Variants in ALKBH8 observed in about 807,000 individuals in gnomAD.
ALKBH8 encodes the protein alkB homolog 8, tRNA methyltransferase.
Under a neutral mutation model 59.8 loss-of-function variants are expected in ALKBH8, and 36 were observed. The observed-to-expected ratio is 0.60, with a 90% CI of 0.46 to 0.79. The LOEUF (loss-of-function observed/expected upper bound fraction) is 0.79. ALKBH8 is among the 30% of genes least tolerant of loss of function. ALKBH8 has a pLI of 0.00. For synonymous variants in ALKBH8, 276 were observed against 273.6 expected (o/e 1.01, Z -0.09); for missense variants, 768 against 801.0 (o/e 0.96, Z 0.50).
chr11:107,508,172 C>T (rs909368402), intron 11 of ALKBH8, among the ~76,000 whole-genome samples: 1 of 148,006 alleles, frequency 6.8e-6, no homozygotes, highest in Non-Finnish European at 1.5e-5. Flanking sequence ...ATTTTCAATG[C>T]CTTTTTTTTT....
intron 10 of ALKBH8, among the ~76,000 whole-genome samples, chr11:107,516,940 A>C (rs1004711908): frequency 2.6e-5 from 4 of 152,026 alleles, no homozygotes; most frequent in Non-Finnish European, 5.9e-5. Context: ...GGGAGGATCA[A>C]TTGAGCCTGC....
chr11:107,543,000 G>A (rs1011967667), intron 7 of ALKBH8, among the ~76,000 whole-genome samples: 1 of 152,182 alleles, frequency 6.6e-6, no homozygotes, highest in African/African-American at 2.4e-5. Flanking sequence ...CAAAGATTTT[G>A]TTCCGTATGG....
intron 9 of ALKBH8, among the ~76,000 whole-genome samples, chr11:107,522,938 CAG>C (rs1863184286): frequency 1.3e-5 from 2 of 151,942 alleles, no homozygotes; most frequent in South Asian, 2.1e-4. Context: ...AACTTAGAAA[CAG>C]GGGACTACCT....
chr11:107,543,155 G>A (rs1161909693), intron 7 of ALKBH8, among the ~76,000 whole-genome samples: 3 of 152,096 alleles, frequency 2.0e-5, no homozygotes, highest in Non-Finnish European at 4.4e-5. Flanking sequence ...TGGCCAAGAT[G>A]GTGAAACCCT....
chr11:107,522,465 T>A lies in ALKBH8; in HGVS notation c.1121A>T (p.Tyr374Phe), dbSNP rs556026632. 1.8e-5 allele frequency: 28 copies of A among 1,551,800 alleles called. 1 individual carries two copies. The highest frequency in any genetic ancestry group is 1.8e-4 in the African/African-American group (13 of 73,170). The change falls in exon 10 of 12, where the codon TAC (tyrosine) becomes TTC (phenylalanine). Residue 374 changes from tyrosine (Y) to phenylalanine (F), a missense_variant. Tyr to Phe is a conservative substitution (Grantham distance 22, BLOSUM62 3). Transcript: ENST00000428149. ...DKEASRLEQE[Y>F]VHQVYEEIAG... ...AATCTCTTCATAAACCTGATGGACG[T>A]ACTCTTGCTCCAGCCGTGAGGCTTC...
intron 10 of ALKBH8, among the ~76,000 whole-genome samples, chr11:107,518,757 A>G (rs1262279906): frequency 3.9e-5 from 6 of 151,958 alleles, no homozygotes; most frequent in Admixed American, 3.9e-4. Flanking sequence ...AGTTAATTGA[A>G]TATCTATAGA....
chr11:107,524,498 A>G (rs1863268772), intron 9 of ALKBH8, among the ~76,000 whole-genome samples: 1 of 152,230 alleles, frequency 6.6e-6, no homozygotes, highest in Non-Finnish European at 1.5e-5. Flanking sequence ...TAAGTTCCTT[A>G]AGAACAGGAG....
intron 7 of ALKBH8, among the ~76,000 whole-genome samples, chr11:107,548,162 T>C (rs1175635818): frequency 6.6e-6 from 1 of 152,226 alleles, no homozygotes; most frequent in African/African-American, 2.4e-5. Context: ...TTTCCTCTCA[T>C]TTTCAGAGCC....
intron 3 of ALKBH8, among the ~76,000 whole-genome samples, chr11:107,554,388 A>G (rs1277203557): frequency 1.3e-5 from 2 of 152,234 alleles, no homozygotes; most frequent in African/African-American, 4.8e-5. Flanking sequence ...GAAATAGAAA[A>G]TATAATAGAG....
intron 7 of ALKBH8, among the ~76,000 whole-genome samples, chr11:107,544,815 C>CCA (rs5794557): frequency 0.04 from 5,563 of 138,446 alleles, 220 homozygotes; most frequent in African/African-American, 0.11. Flanking sequence ...TAGATACAAA[C>CCA]CACACACACA....
chr11:107,525,712 T>G (rs191576816), intron 8 of ALKBH8, 120 bp from the exon 9 acceptor site: 642 of 654,606 alleles, frequency 9.8e-4, no homozygotes, highest in Middle Eastern at 1.9e-3. Context: ...ATCTATTGGA[T>G]TCCCTGAATT....
intron 2 of ALKBH8, among the ~76,000 whole-genome samples, chr11:107,560,197 T>C (rs1565351767): frequency 6.6e-6 from 1 of 152,184 alleles, no homozygotes; most frequent in Non-Finnish European, 1.5e-5. Flanking sequence ...AATCTCACGA[T>C]CCTCACATTT....
In ALKBH8 at chr11:107,565,130, T is replaced by C. The variant is rs368193982; in HGVS notation, c.-7+471A>G. 7.6e-5 allele frequency: 13 copies of C among 171,590 alleles called. 1 individual carries two copies. In the East Asian group the frequency reaches 1.2e-3, roughly 16 times the overall value. 10.6% of individuals were successfully genotyped at this position (171,590 alleles called of 1,614,324 possible). A position where few individuals can be genotyped will look rare whatever the true frequency, so the allele number is the denominator to read the frequency against. ...CATACAACTGACAATAAATATTCAA[T>C]GAAATCTATCAAAATAACAGGCTGA... On this transcript the variant is annotated intron_variant, in intron 1 of 11. Transcript: ENST00000428149.
intron 9 of ALKBH8, among the ~76,000 whole-genome samples, chr11:107,524,424 A>T (rs1863264623): frequency 6.6e-6 from 1 of 152,208 alleles, no homozygotes; most frequent in South Asian, 2.1e-4. Flanking sequence ...AGCTTCTTAC[A>T]TTTAATAAAT....
At position 107,504,288 on chromosome 11, in the gene ALKBH8, T is replaced by C. The variant is rs1862285393; in HGVS notation, c.*370A>G. On this transcript the variant is annotated 3_prime_UTR_variant, in exon 12 of 12. Coordinates refer to ENST00000428149, the MANE Select transcript of ALKBH8 (RefSeq NM_138775.3). ...TTCTATTGACCAGGACTATTTTCTG[T>C]ATTAACATATAATTACATCCCTAAA... 1.9e-6 allele frequency: 1 copy of C among 517,398 alleles called. No individual in the cohort carries two copies. Among genetic ancestry groups the C allele is most frequent in the African/African-American group, 2.0e-5 (1 of 50,650 alleles). The allele number at this position is 517,398 out of a possible 1,614,324, so 32.1% of individuals were successfully genotyped here.
chr11:107,520,890 T>TA (rs1555041568), intron 10 of ALKBH8, among the ~76,000 whole-genome samples: 1 of 152,090 alleles, frequency 6.6e-6, no homozygotes, highest in Non-Finnish European at 1.5e-5. Flanking sequence ...GTCAAAATAC[T>TA]AAAAAAATAA....
intron 7 of ALKBH8, among the ~76,000 whole-genome samples, chr11:107,546,697 G>C (rs1246221860): frequency 6.6e-6 from 1 of 152,010 alleles, no homozygotes; most frequent in Non-Finnish European, 1.5e-5. Flanking sequence ...GTTAATTGCA[G>C]CTAAATCATC....
chr11:107,507,847 A>C (rs591463), intron 11 of ALKBH8, among the ~76,000 whole-genome samples: 100,306 of 151,920 alleles, frequency 0.66, 33,782 homozygotes, highest in African/African-American at 0.71. Flanking sequence ...TCCCTTACCT[A>C]GTTGTGTCCA....
chr11:107,532,356 C>A lies in ALKBH8; in HGVS notation c.822G>T (p.Leu274Phe). ...HPDGIAVPVMLPRRSLLVMTG... is the reference protein window; with the variant it reads ...HPDGIAVPVMFPRRSLLVMTG... ...TCATCACCAGCAAACTCCGACGAGG[C>A]AACATAACTGGCACTGCAATGCCAT... Residue 274 changes from leucine (L) to phenylalanine (F), a missense_variant, in exon 8 of 12, where the codon TTG (leucine) becomes TTT (phenylalanine). Coordinates refer to ENST00000428149, the MANE Select transcript of ALKBH8 (RefSeq NM_138775.3). 1 of 1,613,646 alleles carries A rather than the reference C, an allele frequency of 6.2e-7. No individual in the cohort carries two copies. The highest frequency in any genetic ancestry group is 1.7e-4 in the Middle Eastern group (1 of 6,058).
Sources: gnomAD v4.1 joint callset for allele counts (sites outside exome capture counted in the v4.1 genomes callset) on GRCh38, gnomAD v4.1.1 for gene constraint, MANE v1.5 for transcripts, NCBI Gene and HGNC (gene_info 2026-07-23, HGNC 2026-07-21) for gene names.